Variants in CYB5R4 observed in about 807,000 individuals in gnomAD.
The protein encoded by CYB5R4 is N-terminal cytochrome b5 and cytochrome b5 oxidoreductase domain-containing protein.
CYB5R4 carries 55 observed loss-of-function variants against 70.2 expected under a neutral mutation model. That is an observed-to-expected ratio of 0.78 (90% CI 0.63 to 0.98). The LOEUF is 0.98. Among genes scored for constraint, CYB5R4 ranks in the 50% least tolerant of loss-of-function variants. CYB5R4 has a pLI of 0.00. For missense variants in CYB5R4, 562 were observed against 612.6 expected, an observed-to-expected ratio of 0.92 and a Z score of 0.87; for synonymous variants, 197 against 199.5, an observed-to-expected ratio of 0.99 and a Z score of 0.11.
intron 15 of CYB5R4, among the ~76,000 whole-genome samples, chr6:83,957,450 A>ATC (rs2099472600): frequency 6.6e-6 from 1 of 151,912 alleles, no homozygotes; most frequent in Admixed American, 6.6e-5. Flanking sequence ...GTGAAACCCC[A>ATC]TCTCTACTAA....
intron 5 of CYB5R4, among the ~76,000 whole-genome samples, chr6:83,916,509 TTCTTGTAGTCCTC>T (rs2099465538): frequency 6.6e-6 from 1 of 152,226 alleles, no homozygotes; most frequent in Non-Finnish European, 1.5e-5. Context: ...ATACATTTAA[TTCTTGTAGTCCTC>T]TCTTGTTTTA....
At chr6:83,893,714 A>G (rs2099461465) in intron 3 of CYB5R4, 92 bp downstream of exon 3, 2 of 715,460 alleles carry the variant, frequency 2.8e-6, no homozygotes, top group East Asian at 2.9e-5. Context: ...AAATAGTTGC[A>G]TAAATTCCAG....
rs1315455185 is a variant in CYB5R4 at position 83,965,780 on chromosome 6, C to T, written c.*5902C>T. The T allele has an allele frequency of 3.9e-5, 6 of 152,100 alleles. No homozygotes were observed. The highest frequency in any genetic ancestry group is 1.9e-4 in the East Asian group (1 of 5,192). 9.4% of individuals were successfully genotyped at this position (152,100 alleles called of 1,614,324 possible). ...ACTCCCATAATTCCCATGTGTTATA[C>T]GTGGGACCTGGTGGGAGATAATTTG... On this transcript the variant is annotated 3_prime_UTR_variant, in exon 16 of 16. Coordinates refer to ENST00000369681, the MANE Select transcript of CYB5R4 (RefSeq NM_016230.4).
At chr6:83,956,630 G>A (rs1420340483) in intron 15 of CYB5R4, among the ~76,000 whole-genome samples, 1 of 152,126 alleles carries the variant, frequency 6.6e-6, no homozygotes, top group African/African-American at 2.4e-5. Flanking sequence ...GGACTGGCCT[G>A]GAAGAAGAAG....
At chr6:83,921,228 G>A (rs2099466327) in intron 8 of CYB5R4, 53 bp downstream of exon 8, 5 of 1,370,562 alleles carry the variant, frequency 3.6e-6, no homozygotes, top group South Asian at 2.8e-5. Flanking sequence ...TTTAAATATG[G>A]CAATAACTTG....
At chr6:83,867,484 T>C (rs2099456917) in intron 2 of CYB5R4, among the ~76,000 whole-genome samples, 1 of 152,160 alleles carries the variant, frequency 6.6e-6, no homozygotes, top group African/African-American at 2.4e-5. Context: ...TATAAGAGTA[T>C]GCCTTGGAAA....
intron 3 of CYB5R4, among the ~76,000 whole-genome samples, chr6:83,902,954 A>G (rs1013665546): frequency 5.9e-5 from 9 of 152,214 alleles, no homozygotes; most frequent in Admixed American, 1.3e-4. Context: ...CTAAATACAA[A>G]ATAGTATTTG....
chr6:83,938,478 A>G (rs1020067282), intron 12 of CYB5R4, among the ~76,000 whole-genome samples: 1 of 152,234 alleles, frequency 6.6e-6, no homozygotes, highest in African/African-American at 2.4e-5. Context: ...TCCCGTGTTC[A>G]CTAAGCAACA....
At chr6:83,942,460 G>A (rs1322632198) in intron 14 of CYB5R4, among the ~76,000 whole-genome samples, 4 of 152,248 alleles carry the variant, frequency 2.6e-5, no homozygotes, top group Non-Finnish European at 5.9e-5. Context: ...CACAGTCTTT[G>A]CAACCTGCAG....
chr6:83,940,712 A>G, intron 14 of CYB5R4, 111 bp downstream of exon 14: 1 of 1,248,468 alleles, frequency 8.0e-7, no homozygotes, highest in Non-Finnish European at 1.1e-6. Flanking sequence ...CTTCAAAGAA[A>G]AAAAATAAAC....
At chr6:83,868,064 T>A (rs1234012241) in intron 2 of CYB5R4, among the ~76,000 whole-genome samples, 1 of 152,236 alleles carries the variant, frequency 6.6e-6, no homozygotes, top group Admixed American at 6.5e-5. Flanking sequence ...GATAGCTTCT[T>A]AATGGGGGAA....
chr6:83,953,078 C>T (rs554183865), intron 14 of CYB5R4, among the ~76,000 whole-genome samples: 5 of 152,210 alleles, frequency 3.3e-5, no homozygotes, highest in African/African-American at 1.2e-4. Flanking sequence ...TTGTGTTGCT[C>T]AGAATGTGTT....
intron 5 of CYB5R4, among the ~76,000 whole-genome samples, chr6:83,916,050 T>C (rs974125888): frequency 2.0e-5 from 3 of 152,196 alleles, no homozygotes; most frequent in Non-Finnish European, 4.4e-5. Flanking sequence ...GTTTTTTTTG[T>C]TTTTAGTTAG....
At chr6:83,921,552 C>A (rs2099466377) in intron 8 of CYB5R4, among the ~76,000 whole-genome samples, 3 of 152,130 alleles carry the variant, frequency 2.0e-5, no homozygotes, top group African/African-American at 7.2e-5. Context: ...GCCAGTTCTG[C>A]CATAGGAAGT....
chr6:83,923,824 T>A (rs532569056), intron 9 of CYB5R4, among the ~76,000 whole-genome samples: 52 of 151,778 alleles, frequency 3.4e-4, no homozygotes, highest in Middle Eastern at 3.4e-3. Context: ...CGAAACAAAT[T>A]AGAGGCTGAC....
chr6:83,912,332 G>A (rs1481669410), intron 4 of CYB5R4, among the ~76,000 whole-genome samples: 1 of 152,124 alleles, frequency 6.6e-6, no homozygotes, highest in Non-Finnish European at 1.5e-5. Flanking sequence ...GTATGTCAAT[G>A]TCCGTATTAT....
At chr6:83,944,222 C>G (rs1259976959) in intron 14 of CYB5R4, among the ~76,000 whole-genome samples, 2 of 152,156 alleles carry the variant, frequency 1.3e-5, no homozygotes, top group African/African-American at 2.4e-5. Flanking sequence ...GCCCATCAGA[C>G]TAACAGGGGA....
intron 15 of CYB5R4, among the ~76,000 whole-genome samples, chr6:83,958,012 T>C (rs2099472692): frequency 6.6e-6 from 1 of 152,174 alleles, no homozygotes; most frequent in African/African-American, 2.4e-5. Flanking sequence ...GATTGTGATG[T>C]CCACTCCTAG....
intron 9 of CYB5R4, among the ~76,000 whole-genome samples, chr6:83,923,502 A>G (rs3778186): frequency 0.19 from 29,664 of 152,126 alleles, 6,201 homozygotes; most frequent in African/African-American, 0.51. Context: ...ACTATAGGGG[A>G]GAGCAGAACA....
Sources: gnomAD v4.1 joint callset for allele counts (sites outside exome capture counted in the v4.1 genomes callset) on GRCh38, gnomAD v4.1.1 for gene constraint, MANE v1.5 for transcripts, NCBI Gene and HGNC (gene_info 2026-07-23, HGNC 2026-07-21) for gene names.